The following LRRC63 variants were observed in gnomAD, a reference collection of about 807,000 sequenced individuals.
The protein encoded by LRRC63 is leucine rich repeat containing 63.
In LRRC63, 40 loss-of-function variants were observed where a neutral mutation model predicts 49.5. The ratio of observed to expected loss-of-function variants is 0.81; its 90% confidence interval spans 0.63 to 1.05. The LOEUF (loss-of-function observed/expected upper bound fraction) is 1.05, where lower values mean the gene tolerates loss of function less well. Among genes scored for constraint, LRRC63 ranks in the 50% least tolerant of loss-of-function variants. LRRC63 has a pLI of 0.00. For synonymous variants in LRRC63, 191 were observed against 221.1 expected, an observed-to-expected ratio of 0.86 and a Z score of 1.21; for missense variants, 636 against 663.1, an observed-to-expected ratio of 0.96 and a Z score of 0.45.
chr13:46,234,262 A>G lies in LRRC63; in HGVS notation c.903A>G (p.Ala301=), dbSNP rs1412628583. ...GTGGTGAAGGTTTTAAGACTGTTGC[A>G]GCAACACGATATGAAACAATAACAG... Residue 301 remains alanine, a synonymous_variant, in exon 5 of 10, where the codon GCA becomes GCG. Coordinates refer to ENST00000595396, the Ensembl canonical transcript of LRRC63. The G allele has an allele frequency of 1.9e-6, 3 of 1,550,346 alleles. No homozygotes were observed. In the Admixed American group the frequency reaches 5.9e-5, roughly 30 times the overall value.
intron 2 of LRRC63, among the ~76,000 whole-genome samples, chr13:46,215,802 A>G (rs2046235033): frequency 1.3e-5 from 2 of 152,126 alleles, no homozygotes; most frequent in Admixed American, 6.5e-5. Context: ...TATAAGGTGT[A>G]AGGAAGGGGT....
intron 9 of LRRC63, chr13:46,270,563 C>A: frequency 1.2e-6 from 1 of 869,344 alleles, no homozygotes; most frequent in South Asian, 1.3e-5. Context: ...GTTACTGACA[C>A]AAAAACGGTA....
At chr13:46,269,304 T>C (rs61949192) in intron 9 of LRRC63, among the ~76,000 whole-genome samples, 34,664 of 151,800 alleles carry the variant, frequency 0.23, 4,675 homozygotes, top group East Asian at 0.35. Flanking sequence ...TGGTATTAAG[T>C]GCAAGGAAAG....
intron 9 of LRRC63, among the ~76,000 whole-genome samples, chr13:46,275,579 C>T (rs925281364): frequency 4.0e-5 from 6 of 151,764 alleles, no homozygotes; most frequent in Non-Finnish European, 8.8e-5. Context: ...TGATGTTGAG[C>T]ATTTTTTCAT....
intron 2 of LRRC63, among the ~76,000 whole-genome samples, chr13:46,215,771 T>A (rs2046234016): frequency 6.6e-6 from 1 of 152,226 alleles, no homozygotes; most frequent in Admixed American, 6.5e-5. Flanking sequence ...AAGTCTTTAA[T>A]CCATCTTGAG....
intron 4 of LRRC63, 83 bp from the exon 5 acceptor site, chr13:46,234,109 A>G: frequency 1.6e-6 from 2 of 1,287,182 alleles, no homozygotes; most frequent in South Asian, 1.5e-5. Context: ...ACTCAATATT[A>G]TCATAAGATA....
At chr13:46,239,539 G>A (rs1594052212) in intron 5 of LRRC63, among the ~76,000 whole-genome samples, 1 of 152,292 alleles carries the variant, frequency 6.6e-6, no homozygotes, top group East Asian at 1.9e-4. Flanking sequence ...CAGATTCACA[G>A]CTGAATTCTG....
At chr13:46,254,040 A>G (rs1338612788) in intron 7 of LRRC63, among the ~76,000 whole-genome samples, 1 of 152,152 alleles carries the variant, frequency 6.6e-6, no homozygotes, top group Non-Finnish European at 1.5e-5. Context: ...GTATCATGGA[A>G]GCCAGGGAAG....
chr13:46,249,214 T>G (rs2047306590), intron 6 of LRRC63, among the ~76,000 whole-genome samples: 2 of 151,880 alleles, frequency 1.3e-5, no homozygotes, highest in Admixed American at 6.6e-5. Flanking sequence ...TAACTTTTCA[T>G]GTAAAGCCAC....
intron 2 of LRRC63, among the ~76,000 whole-genome samples, chr13:46,221,789 A>C (rs899571426): frequency 6.6e-6 from 1 of 152,134 alleles, no homozygotes; most frequent in African/African-American, 2.4e-5. Context: ...AGAAGGGGAC[A>C]TTGGTGTGAA....
At chr13:46,258,830 T>C (rs2047568751) in intron 7 of LRRC63, among the ~76,000 whole-genome samples, 1 of 149,094 alleles carries the variant, frequency 6.7e-6, no homozygotes, top group Non-Finnish European at 1.5e-5. Flanking sequence ...AAAAAAAATC[T>C]TGTAAATTAT....
At chr13:46,231,884 C>T (rs924645770) in intron 4 of LRRC63, among the ~76,000 whole-genome samples, 8 of 144,704 alleles carry the variant, frequency 5.5e-5, no homozygotes, top group Non-Finnish European at 1.2e-4. Context: ...GGCAAGATCT[C>T]GGCTCACTGC....
At chr13:46,246,581 T>C in exon 6 of LRRC63, 1 of 1,472,674 alleles carries the variant, frequency 6.8e-7, no homozygotes, top group Non-Finnish European at 9.0e-7. Flanking sequence ...CCAGTTGATA[T>C]ATCTTAATTT....
chr13:46,274,688 A>G (rs2047807706), intron 9 of LRRC63, among the ~76,000 whole-genome samples: 1 of 152,200 alleles, frequency 6.6e-6, no homozygotes, highest in Middle Eastern at 3.2e-3. Flanking sequence ...CATAAGAATG[A>G]TAGAAATTTT....
chr13:46,265,402 G>A (rs9595452), intron 8 of LRRC63, among the ~76,000 whole-genome samples: 16,667 of 152,134 alleles, frequency 0.11, 1,704 homozygotes, highest in African/African-American at 0.27. Flanking sequence ...ACCATAGGCT[G>A]GGCAGTTATA....
intron 7 of LRRC63, among the ~76,000 whole-genome samples, chr13:46,255,294 G>T (rs1366086652): frequency 6.6e-6 from 1 of 152,064 alleles, no homozygotes; most frequent in Non-Finnish European, 1.5e-5. Context: ...GGGAGTAGCT[G>T]TTCAATGGAT....
rs1240498908 is a variant in LRRC63, at chr13:46,228,064, A to T, written c.638A>T (p.Glu213Val). The change falls in exon 3 of 10, where the codon GAA (glutamate) becomes GTA (valine). Residue 213 changes from glutamate to valine, a missense_variant. Physicochemically the swap from Glu to Val is moderately radical, Grantham distance 121. Coordinates refer to ENST00000595396, the Ensembl canonical transcript of LRRC63. ...CCTATGACTGTATCTATGAAACCAG[A>T]AGGACAGTGGCCTGAACATTTTAAA... 2.6e-6 allele frequency: 4 copies of T among 1,550,966 alleles called. No individual in the cohort carries two copies. In the African/African-American group the frequency reaches 5.5e-5, roughly 21 times the overall value.
chr13:46,228,854 T>C (rs1279245635), intron 4 of LRRC63, 121 bp downstream of exon 4: 4 of 639,260 alleles, frequency 6.3e-6, no homozygotes, highest in Non-Finnish European at 2.7e-6. Context: ...CACATATGTC[T>C]TACCTCATTT....
At chr13:46,262,684 T>C (rs139531695) in intron 8 of LRRC63, among the ~76,000 whole-genome samples, 73 of 152,254 alleles carry the variant, frequency 4.8e-4, no homozygotes, top group African/African-American at 1.6e-3. Flanking sequence ...ATGTTCTTCA[T>C]AGGAATTTAT....
Sources: allele counts gnomAD v4.1 joint callset (sites outside exome capture counted in the v4.1 genomes callset), GRCh38; gene constraint gnomAD v4.1.1; transcripts MANE v1.5; gene names NCBI Gene and HGNC (gene_info 2026-07-23, HGNC 2026-07-21).